The following CD86 variants were observed in gnomAD, a reference collection of about 807,000 sequenced individuals.
The protein encoded by CD86 is T-lymphocyte activation antigen CD86.
Under a neutral mutation model 32.1 loss-of-function variants are expected in CD86, and 11 were observed. The observed-to-expected ratio is 0.34, with a 90% CI of 0.22 to 0.57. CD86 has a LOEUF of 0.57. CD86 is among the 20% of genes least tolerant of loss of function. CD86 has a pLI of 0.86. For synonymous variants in CD86, 137 were observed against 135.3 expected, an observed-to-expected ratio of 1.01 and a Z score of -0.09; for missense variants, 359 against 398.4, an observed-to-expected ratio of 0.90 and a Z score of 0.84.
intron 5 of CD86, among the ~76,000 whole-genome samples, chr3:122,115,201 T>C (rs1312757015): frequency 6.6e-6 from 1 of 152,164 alleles, no homozygotes; most frequent in Non-Finnish European, 1.5e-5. Flanking sequence ...CAAAATCAAT[T>C]ATTTCTATAT....
chr3:122,109,256 C>G lies in CD86; in HGVS notation c.704-9C>G, dbSNP rs750163568. ...TCCTGGCTGATTGAAAATTTGTGGT[C>G]ATTTGTAGAGCTTGAGGACCCTCAG... On this transcript the variant is annotated splice_polypyrimidine_tract_variant and intron_variant, in intron 4 of 6. Transcript: ENST00000330540. 3.7e-6 allele frequency: 6 copies of G among 1,609,228 alleles called. No homozygotes were observed. Among genetic ancestry groups the G allele is most frequent in the South Asian group, 3.3e-5 (3 of 90,100 alleles).
At chr3:122,085,650 C>T (rs184388613) in intron 1 of CD86, among the ~76,000 whole-genome samples, 36 of 152,252 alleles carry the variant, frequency 2.4e-4, no homozygotes, top group Admixed American at 9.8e-4. Context: ...AGCGTGTGGG[C>T]TCTTGTTCAG....
At chr3:122,095,445 T>C (rs543827695) in intron 2 of CD86, among the ~76,000 whole-genome samples, 70 of 152,240 alleles carry the variant, frequency 4.6e-4, no homozygotes, top group South Asian at 1.0e-3. Flanking sequence ...CCTCCCAAAG[T>C]GCTGGGATTA....
Position 122,106,210 on chromosome 3 carries a change from A to T in CD86, c.413A>T (p.Gln138Leu). The T allele has an allele frequency of 6.3e-7, 1 of 1,596,382 alleles. No homozygotes were observed. The highest frequency in any genetic ancestry group is 1.3e-5 in the African/African-American group (1 of 74,078). ...SELSVLANFS[Q>L]PEIVPISNIT... ...CTTCTGCTTTCAGCTAACTTCAGTC[A>T]ACCTGAAATAGTACCAATTTCTAAT... Residue 138 changes from glutamine to leucine, a missense_variant, in exon 4 of 7, where the codon CAA becomes CTA. Physicochemically the swap from Gln to Leu is moderately radical, Grantham distance 113 (BLOSUM62 -2). Coordinates refer to ENST00000330540, the MANE Select transcript of CD86 (RefSeq NM_175862.5).
chr3:122,095,513 A>G (rs902581795), intron 2 of CD86, among the ~76,000 whole-genome samples: 8 of 152,168 alleles, frequency 5.3e-5, no homozygotes, highest in Non-Finnish European at 1.2e-4. Context: ...AGATTGGCTC[A>G]AAAGCTCATT....
intron 3 of CD86, 50 bp from the exon 4 acceptor site, chr3:122,106,148 G>A: frequency 7.1e-7 from 1 of 1,399,058 alleles, no homozygotes; most frequent in Non-Finnish European, 9.7e-7. Context: ...TTCCCTCCTA[G>A]ATACATCTAA....
At chr3:122,062,818 T>C (rs1330344709) in intron 1 of CD86, among the ~76,000 whole-genome samples, 1 of 152,242 alleles carries the variant, frequency 6.6e-6, no homozygotes, top group Non-Finnish European at 1.5e-5. Flanking sequence ...GGAAGTCCTA[T>C]GGATATAAGA....
At chr3:122,108,659 C>T (rs1016777219) in intron 4 of CD86, among the ~76,000 whole-genome samples, 2 of 152,168 alleles carry the variant, frequency 1.3e-5, no homozygotes, top group Non-Finnish European at 2.9e-5. Flanking sequence ...CGTGAAGGTT[C>T]CTCAAGGCAT....
intron 1 of CD86, among the ~76,000 whole-genome samples, chr3:122,067,281 CA>C (rs1480681251): frequency 6.6e-6 from 1 of 152,122 alleles, no homozygotes; most frequent in East Asian, 1.9e-4. Context: ...GTTTCATAAT[CA>C]AATTGTTTTC....
intron 1 of CD86, among the ~76,000 whole-genome samples, chr3:122,063,442 AG>A (rs1217527512): frequency 6.6e-6 from 1 of 152,208 alleles, no homozygotes; most frequent in Non-Finnish European, 1.5e-5. Context: ...GTAGAAGAAT[AG>A]GTAAGTAAGT....
At chr3:122,077,627 C>T in intron 1 of CD86, 2 of 274,612 alleles carry the variant, frequency 7.3e-6, no homozygotes, top group Non-Finnish European at 1.1e-5. Context: ...GCTTCAAAGG[C>T]TGTGTGTACT....
At chr3:122,086,658 G>A (rs1440737225) in intron 1 of CD86, 6 of 459,140 alleles carry the variant, frequency 1.3e-5, no homozygotes, top group Non-Finnish European at 4.4e-6. Context: ...CACACAGTGG[G>A]TATTCGAGCA....
intron 1 of CD86, among the ~76,000 whole-genome samples, chr3:122,058,604 G>C (rs2072277527): frequency 6.6e-6 from 1 of 152,110 alleles, no homozygotes; most frequent in Non-Finnish European, 1.5e-5. Flanking sequence ...GTATAGCTTT[G>C]AGAAGATGCC....
intron 1 of CD86, among the ~76,000 whole-genome samples, chr3:122,089,540 A>G (rs1187485325): frequency 6.6e-6 from 1 of 151,536 alleles, no homozygotes; most frequent in African/African-American, 2.4e-5. Context: ...TAATTTCACC[A>G]TTTCCTATTG....
intron 2 of CD86, among the ~76,000 whole-genome samples, chr3:122,101,944 T>C (rs1194633451): frequency 6.6e-6 from 1 of 152,130 alleles, no homozygotes; most frequent in Non-Finnish European, 1.5e-5. Context: ...GTGCATTTTA[T>C]ACCTCAAGTA....
chr3:122,078,548 T>C (rs2072586506), intron 1 of CD86, among the ~76,000 whole-genome samples: 1 of 152,146 alleles, frequency 6.6e-6, no homozygotes, highest in Non-Finnish European at 1.5e-5. Context: ...CCTTCCCCAA[T>C]ATTTCTTCCC....
At chr3:122,056,494 C>T (rs574665575) in intron 1 of CD86, among the ~76,000 whole-genome samples, 22 of 152,220 alleles carry the variant, frequency 1.4e-4, no homozygotes, top group African/African-American at 4.8e-4. Context: ...ACCACCACGC[C>T]CGGCTAATTT....
At position 122,113,999 on chromosome 3, in the gene CD86, C is replaced by T. The variant is rs138336574; in HGVS notation, c.848-4049C>T. ...GGGGTGGTGGCTCACACCTGTAATC[C>T]CAGCACTTTTGGAGGCTGAGGCAGG... On this transcript the variant is annotated intron_variant, in intron 5 of 6. Coordinates refer to ENST00000330540, the MANE Select transcript of CD86 (RefSeq NM_175862.5). Among the ~76,000 whole-genome samples the T allele has an allele frequency of 2.6e-5, 4 of 152,164 alleles. No individual in the cohort carries two copies. The East Asian group carries it at 5.8e-4, about 22-fold the overall frequency.
rs1208440970 is a variant in CD86, at chr3:122,120,737, G to C, written c.*1203G>C. ...ACACAGATCACCCGGGGCTTACTTA[G>C]CCTACAGATGTCCTACGGGAACGTG... On this transcript the variant is annotated 3_prime_UTR_variant, in exon 7 of 7. Transcript: ENST00000330540. 1 of 152,424 alleles carries C rather than the reference G, an allele frequency of 6.6e-6. No homozygotes were observed. The highest frequency in any genetic ancestry group is 6.5e-5 in the Admixed American group (1 of 15,286). 9.4% of individuals were successfully genotyped at this position (152,424 alleles called of 1,614,324 possible).
Sources: allele counts gnomAD v4.1 joint callset (sites outside exome capture counted in the v4.1 genomes callset), GRCh38; gene constraint gnomAD v4.1.1; transcripts MANE v1.5; gene names NCBI Gene and HGNC (gene_info 2026-07-23, HGNC 2026-07-21).